Variants in FSTL4 observed in about 807,000 individuals in gnomAD.
FSTL4 encodes the protein follistatin-related protein 4.
In FSTL4, 28 loss-of-function variants were observed where a neutral mutation model predicts 78.2. That is an observed-to-expected ratio of 0.36 (90% CI 0.27 to 0.49). FSTL4 has a LOEUF of 0.49. Ranked by LOEUF, FSTL4 falls within the 20% of genes least tolerant of loss-of-function variation. FSTL4 has a pLI of 0.98. For missense variants in FSTL4, 922 were observed against 1,084.9 expected (o/e 0.85, Z 2.11); for synonymous variants, 422 against 440.5 (o/e 0.96, Z 0.53).
At chr5:133,767,088 G>A in the FSTL4 span, among the ~76,000 whole-genome samples, 8 of 152,334 alleles carry the variant, frequency 5.3e-5, no homozygotes, top group Admixed American at 3.9e-4. Flanking sequence ...CTGAAATGAA[G>A]ACTTGAGCAA....
the FSTL4 span, among the ~76,000 whole-genome samples, chr5:133,646,363 G>A: frequency 6.6e-6 from 1 of 152,174 alleles, no homozygotes; most frequent in South Asian, 2.1e-4. Context: ...GTCTAGTATA[G>A]TTGGAATGAG....
the FSTL4 span, among the ~76,000 whole-genome samples, chr5:133,771,126 C>G: frequency 5.9e-5 from 9 of 151,982 alleles, no homozygotes; most frequent in Admixed American, 4.6e-4. Context: ...GTTACTACAG[C>G]CTTGTAATAT....
the FSTL4 span, among the ~76,000 whole-genome samples, chr5:133,810,706 G>A: frequency 1.0e-3 from 152 of 152,292 alleles, no homozygotes; most frequent in African/African-American, 3.6e-3. Context: ...CAGGTGTGAC[G>A]TTTACATAAA....
rs912277132 is a variant in FSTL4, at chr5:133,611,363, G to C, written c.-11+962C>G. On this transcript the variant is annotated intron_variant, in intron 1 of 15. Coordinates refer to ENST00000265342, the MANE Select transcript of FSTL4 (RefSeq NM_015082.2). This position sits in a 1 kb window ranked among gnomAD's most constrained non-coding sequence, Gnocchi z 4.9. Reference sequence around the variant, plus strand: ...CGGGCACAAAGTCCTCAGGTGGCAGGCCTGGGGTTGGCGCCGCTTTGTCGG... The same window carrying C: ...CGGGCACAAAGTCCTCAGGTGGCAGCCCTGGGGTTGGCGCCGCTTTGTCGG... 6.6e-6 allele frequency among the ~76,000 whole-genome samples: 1 copy of C among 152,210 alleles called. No individual in the cohort carries two copies.
At position 133,387,680 on chromosome 5, in the gene FSTL4, C is replaced by T. The variant is rs1445808592; in HGVS notation, c.409+13058G>A. The stretch of plus-strand genomic sequence containing the variant: ...GTTCAGGCCTTCCCAATTGTCCTGA[C>T]CATGTCACTGGCATACTGACACACG... On this transcript the variant is annotated intron_variant, in intron 4 of 15. Transcript: ENST00000265342. The T allele has an allele frequency of 2.0e-5, 3 of 152,166 alleles. No homozygotes were observed. The East Asian group carries it at 5.8e-4, about 29-fold the overall frequency. 9.4% of individuals were successfully genotyped at this position (152,166 alleles called of 1,614,324 possible). A position where few individuals can be genotyped will look rare whatever the true frequency, so the allele number is the denominator to read the frequency against.
At chr5:133,609,279 C>T (rs1400105259) in intron 1 of FSTL4, among the ~76,000 whole-genome samples, 1 of 152,214 alleles carries the variant, frequency 6.6e-6, no homozygotes, top group African/African-American at 2.4e-5. Flanking sequence ...GTCTGCCCTA[C>T]ACACACTGTA....
chr5:133,458,133 A>G (rs910945567), intron 3 of FSTL4: 2 of 152,210 alleles, frequency 1.3e-5, no homozygotes, highest in African/African-American at 4.8e-5. Context: ...GATATGAAAA[A>G]TGTATTTTAA....
intron 6 of FSTL4, among the ~76,000 whole-genome samples, chr5:133,252,633 T>C (rs1190395676): frequency 6.7e-6 from 1 of 148,672 alleles, no homozygotes; most frequent in African/African-American, 2.5e-5. Flanking sequence ...ACGAGGCAGG[T>C]CTGGTAGGCT....
the FSTL4 span, among the ~76,000 whole-genome samples, chr5:133,645,497 G>A: frequency 6.6e-5 from 10 of 152,060 alleles, no homozygotes; most frequent in South Asian, 2.1e-4. Flanking sequence ...TCATTCATTC[G>A]ACAAATGTTC....
the FSTL4 span, among the ~76,000 whole-genome samples, chr5:133,681,829 T>C: frequency 6.6e-6 from 1 of 152,140 alleles, no homozygotes; most frequent in African/African-American, 2.4e-5. Flanking sequence ...CTTGGGTCCC[T>C]CTTGTATAGA....
At chr5:133,651,916 G>A in the FSTL4 span, among the ~76,000 whole-genome samples, 5 of 152,004 alleles carry the variant, frequency 3.3e-5, no homozygotes, top group Admixed American at 2.6e-4. Flanking sequence ...TGGGCCTAGC[G>A]TTTTCTGTTT....
chr5:133,552,075 A>G (rs1201173706), intron 3 of FSTL4, among the ~76,000 whole-genome samples: 2 of 152,190 alleles, frequency 1.3e-5, no homozygotes, highest in Non-Finnish European at 2.9e-5. Flanking sequence ...GAGACATTCA[A>G]GGAGGGCTGA....
At position 133,363,940 on chromosome 5, in the gene FSTL4, C is replaced by T. The variant is rs549050173; in HGVS notation, c.409+36798G>A. Among the ~76,000 whole-genome samples, 46 of 152,280 alleles carry T rather than the reference C, an allele frequency of 3.0e-4. 1 individual carries two copies. In the South Asian group the frequency reaches 8.5e-3, roughly 28 times the overall value. ...AATGGCTGGGTTAATTCATAGACGGCGGCTCAGAGGGCACTGAATTAACAC... is the reference window on the plus strand; with the variant it reads ...AATGGCTGGGTTAATTCATAGACGGTGGCTCAGAGGGCACTGAATTAACAC... On this transcript the variant is annotated intron_variant, in intron 4 of 15. Coordinates refer to ENST00000265342, the MANE Select transcript of FSTL4 (RefSeq NM_015082.2).
intron 11 of FSTL4, among the ~76,000 whole-genome samples, chr5:133,222,020 A>C (rs919540593): frequency 1.4e-5 from 2 of 143,018 alleles, no homozygotes; most frequent in African/African-American, 5.2e-5. Context: ...TCACTGTTTT[A>C]CTTTTTTCCA....
rs988430152 is a variant in FSTL4 at position 133,268,761 on chromosome 5, C to A, written c.728-19185G>T. On this transcript the variant is annotated intron_variant, in intron 6 of 15. Transcript: ENST00000265342. Reference sequence around the variant, plus strand: ...GAAGGTATCCGATGGTATACTTGCACAGATGTGCAAAGATATCTGTGACCA... The same window carrying A: ...GAAGGTATCCGATGGTATACTTGCAAAGATGTGCAAAGATATCTGTGACCA... Among the ~76,000 whole-genome samples, 5 of 152,142 alleles carry A rather than the reference C, an allele frequency of 3.3e-5. 1 individual carries two copies. Among genetic ancestry groups the A allele is most frequent in the African/African-American group, 1.2e-4 (5 of 41,420 alleles).
At chr5:133,774,262 C>T in the FSTL4 span, among the ~76,000 whole-genome samples, 1 of 152,068 alleles carries the variant, frequency 6.6e-6, no homozygotes, top group Admixed American at 6.6e-5. Flanking sequence ...AGTTGTGGTA[C>T]CAGTGAATAT....
At chr5:133,641,468 A>C in the FSTL4 span, among the ~76,000 whole-genome samples, 1 of 152,194 alleles carries the variant, frequency 6.6e-6, no homozygotes, top group Non-Finnish European at 1.5e-5. Context: ...GCACTTCTGC[A>C]AACTTTTGGG....
At chr5:133,477,570 T>C (rs1419184579) in intron 3 of FSTL4, among the ~76,000 whole-genome samples, 1 of 152,088 alleles carries the variant, frequency 6.6e-6, no homozygotes, top group Non-Finnish European at 1.5e-5. Context: ...GCCACCAGAG[T>C]TGCATATCAA....
At chr5:133,264,779 T>C (rs1250105663) in intron 6 of FSTL4, among the ~76,000 whole-genome samples, 7 of 152,158 alleles carry the variant, frequency 4.6e-5, no homozygotes, top group African/African-American at 1.7e-4. Context: ...CAGGTCTTGG[T>C]AAGAAAAATG....
Sources: allele counts gnomAD v4.1 joint callset (sites outside exome capture counted in the v4.1 genomes callset), GRCh38; gene constraint gnomAD v4.1.1; non-coding constraint Gnocchi (gnomAD v3.1); transcripts MANE v1.5; gene names NCBI Gene and HGNC (gene_info 2026-07-23, HGNC 2026-07-21).